HS6ST3: variants seen among roughly 807,000 people sequenced by gnomAD.
The protein encoded by HS6ST3 is heparan-sulfate 6-O-sulfotransferase 3.
A neutral mutation model predicts 36.7 loss-of-function variants in HS6ST3; 12 were observed. The ratio of observed to expected loss-of-function variants is 0.33; its 90% CI spans 0.21 to 0.53. The LOEUF (loss-of-function observed/expected upper bound fraction) is 0.53. Among genes scored for constraint, HS6ST3 ranks in the 20% least tolerant of loss-of-function variants. The pLI, the probability that HS6ST3 is intolerant of heterozygous loss-of-function variation, is 0.95. For synonymous variants in HS6ST3, 240 were observed against 257.5 expected, an observed-to-expected ratio of 0.93 and a Z score of 0.65; for missense variants, 584 against 640.9, an observed-to-expected ratio of 0.91 and a Z score of 0.96.
At chr13:96,695,819 A>G (rs1875112156) in intron 1 of HS6ST3, among the ~76,000 whole-genome samples, 1 of 152,102 alleles carries the variant, frequency 6.6e-6, no homozygotes, top group Middle Eastern at 3.2e-3. Flanking sequence ...ATGATGTTCA[A>G]CCCAACATTA....
chr13:96,317,349 T>A (rs945969796), intron 1 of HS6ST3, among the ~76,000 whole-genome samples: 42,397 of 78,910 alleles, frequency 0.54, 7,676 homozygotes, highest in South Asian at 0.59. Flanking sequence ...TATATATATA[T>A]ATATATATAT....
chr13:96,649,397 T>C (rs1283601896), intron 1 of HS6ST3, among the ~76,000 whole-genome samples: 3 of 152,000 alleles, frequency 2.0e-5, no homozygotes, highest in Non-Finnish European at 2.9e-5. Flanking sequence ...TTCAATTATC[T>C]CCACCTGGTC....
intron 1 of HS6ST3, among the ~76,000 whole-genome samples, chr13:96,612,437 T>C (rs1210991118): frequency 6.6e-6 from 1 of 152,130 alleles, no homozygotes; most frequent in African/African-American, 2.4e-5. Context: ...GTGTCCTCAC[T>C]CATTTCCCAA....
chr13:96,158,741 T>C (rs535608735), intron 1 of HS6ST3, among the ~76,000 whole-genome samples: 1 of 150,746 alleles, frequency 6.6e-6, no homozygotes, highest in South Asian at 2.1e-4. Flanking sequence ...AGTTTAGTAT[T>C]AGTGAGCCCC....
intron 1 of HS6ST3, among the ~76,000 whole-genome samples, chr13:96,232,986 C>A (rs1236544116): frequency 6.6e-6 from 1 of 152,136 alleles, no homozygotes; most frequent in Non-Finnish European, 1.5e-5. Context: ...AAACAAGAAA[C>A]CTCTACAGGT....
intron 1 of HS6ST3, among the ~76,000 whole-genome samples, chr13:96,424,395 A>C (rs534053128): frequency 2.6e-5 from 4 of 152,360 alleles, no homozygotes; most frequent in Admixed American, 2.0e-4. Context: ...AATATTATAC[A>C]CATTAAATGG....
chr13:96,096,035 T>G (rs1479329610), intron 1 of HS6ST3, among the ~76,000 whole-genome samples: 1 of 152,132 alleles, frequency 6.6e-6, no homozygotes, highest in Admixed American at 6.5e-5. Flanking sequence ...TCTCTTTTTT[T>G]TTTGTATACC....
Position 96,779,786 on chromosome 13 carries a change from AC to A in HS6ST3, c.708-52703del, listed in dbSNP as rs67061407. On this transcript the variant is annotated intron_variant, in intron 1 of 1. Transcript: ENST00000376705. ...TATTTACTTAAAAAAAAAAAAAAAAACATTGTTCTTATTTATAATGCTTATA... is the reference window on the plus strand; with the variant it reads ...TATTTACTTAAAAAAAAAAAAAAAAAATTGTTCTTATTTATAATGCTTATA... Among the ~76,000 whole-genome samples the A allele has an allele frequency of 6.5e-3, 968 of 149,716 alleles. 41 individuals carry two copies. Among genetic ancestry groups the A allele is most frequent in the Admixed American group, 0.058 (863 of 14,988 alleles).
At position 96,316,815 on chromosome 13, in the gene HS6ST3, T is replaced by C. The variant is rs142786781; in HGVS notation, c.707+225246T>C. 6.5e-4 allele frequency among the ~76,000 whole-genome samples: 99 copies of C among 152,310 alleles called. No homozygotes were observed. In the East Asian group the frequency reaches 0.015, roughly 23 times the overall value. On this transcript the variant is annotated intron_variant, in intron 1 of 1. Coordinates refer to ENST00000376705, the MANE Select transcript of HS6ST3 (RefSeq NM_153456.4). ...TTCTCTCTACTTTCTGTATCCCATC[T>C]AAAGCAACATAGGAAAAAATGGATA...
At chr13:96,134,439 T>C (rs1228094040) in intron 1 of HS6ST3, among the ~76,000 whole-genome samples, 1 of 151,988 alleles carries the variant, frequency 6.6e-6, no homozygotes, top group Non-Finnish European at 1.5e-5. Context: ...ATATTTTTTA[T>C]TTTGCTCTTT....
intron 1 of HS6ST3, among the ~76,000 whole-genome samples, chr13:96,606,822 T>G (rs915851404): frequency 2.0e-5 from 3 of 151,732 alleles, no homozygotes; most frequent in African/African-American, 4.8e-5. Flanking sequence ...AAGTTAAAAC[T>G]AACTACAAGG....
At chr13:96,567,370 G>T (rs1004696603) in intron 1 of HS6ST3, among the ~76,000 whole-genome samples, 1 of 152,142 alleles carries the variant, frequency 6.6e-6, no homozygotes, top group Non-Finnish European at 1.5e-5. Context: ...GAGGTAGGAG[G>T]AGACTACTTT....
At chr13:96,602,009 T>G (rs61967736) in intron 1 of HS6ST3, among the ~76,000 whole-genome samples, 6,352 of 152,284 alleles carry the variant, frequency 0.042, 182 homozygotes, top group Non-Finnish European at 0.062. Flanking sequence ...GTATATTCAT[T>G]CAATAGTGAT....
intron 1 of HS6ST3, among the ~76,000 whole-genome samples, chr13:96,311,957 T>G (rs547105959): frequency 1.8e-4 from 27 of 152,310 alleles, no homozygotes; most frequent in Admixed American, 6.5e-4. Context: ...AGTTCATTTT[T>G]TTTTTGTTTC....
chr13:96,699,293 T>C (rs1482044001), intron 1 of HS6ST3, among the ~76,000 whole-genome samples: 1 of 152,100 alleles, frequency 6.6e-6, no homozygotes, highest in African/African-American at 2.4e-5. Context: ...CAAAAGAAAC[T>C]ACCATCAGAA....
chr13:96,423,014 A>C (rs2055568956), intron 1 of HS6ST3, among the ~76,000 whole-genome samples: 1 of 152,210 alleles, frequency 6.6e-6, no homozygotes, highest in Non-Finnish European at 1.5e-5. Flanking sequence ...TATATAATTG[A>C]AATTAAAATC....
chr13:96,335,207 A>G (rs1041436214), intron 1 of HS6ST3, among the ~76,000 whole-genome samples: 2 of 152,154 alleles, frequency 1.3e-5, no homozygotes, highest in South Asian at 4.1e-4. Context: ...GCCTGGGACC[A>G]CACCAAGGGA....
chr13:96,103,758 G>A (rs1166308451), intron 1 of HS6ST3, among the ~76,000 whole-genome samples: 2 of 152,120 alleles, frequency 1.3e-5, no homozygotes, highest in African/African-American at 4.8e-5. Flanking sequence ...TCAAAACACC[G>A]GAATGACAAA....
intron 1 of HS6ST3, among the ~76,000 whole-genome samples, chr13:96,561,227 G>T (rs1270712658): frequency 6.6e-6 from 1 of 152,080 alleles, no homozygotes; most frequent in Non-Finnish European, 1.5e-5. Flanking sequence ...CAGAAATAAA[G>T]CTACACACCC....
Sources: allele counts gnomAD v4.1 joint callset (sites outside exome capture counted in the v4.1 genomes callset), GRCh38; gene constraint gnomAD v4.1.1; transcripts MANE v1.5; gene names NCBI Gene and HGNC (gene_info 2026-07-23, HGNC 2026-07-21).